The following NFATC1 variants were observed in gnomAD, a reference collection of about 807,000 sequenced individuals.
NFATC1 encodes the protein nuclear factor of activated T-cells, cytoplasmic 1.
NFATC1 carries 22 observed loss-of-function variants against 76.0 expected under a neutral mutation model. The ratio of observed to expected loss-of-function variants is 0.29; its 90% confidence interval spans 0.21 to 0.41. The LOEUF (loss-of-function observed/expected upper bound fraction) is 0.41, where lower values mean the gene tolerates loss of function less well. Among genes scored for constraint, NFATC1 ranks in the 10% least tolerant of loss-of-function variants. The pLI is 1.00. For missense variants in NFATC1, 1,357 were observed against 1,337.7 expected (o/e 1.01, Z -0.23); for synonymous variants, 704 against 613.1 (o/e 1.15, Z -2.19).
intron 8 of NFATC1, among the ~76,000 whole-genome samples, chr18:79,483,035 A>C (rs1339432172): frequency 9.6e-5 from 10 of 103,696 alleles, no homozygotes; most frequent in African/African-American, 3.7e-4. Context: ...GTTCCTGGGT[A>C]ATTCCAGCGT....
intron 3 of NFATC1, among the ~76,000 whole-genome samples, chr18:79,443,082 G>T (rs566869532): frequency 2.0e-5 from 3 of 152,228 alleles, no homozygotes; most frequent in Admixed American, 6.5e-5. Context: ...TTTTTCAGTC[G>T]CGGCTGGAAG....
intron 4 of NFATC1, among the ~76,000 whole-genome samples, chr18:79,450,128 G>T (rs563448718): frequency 1.3e-5 from 2 of 152,168 alleles, no homozygotes; most frequent in Admixed American, 6.5e-5. Flanking sequence ...GCCGGGAGAC[G>T]CCCGCAGCCA....
rs545600032 is a variant in NFATC1 at position 79,444,708 on chromosome 18, A to G, written c.1387-4074A>G. Among the ~76,000 whole-genome samples the G allele has an allele frequency of 4.2e-3, 634 of 149,848 alleles. 39 individuals are homozygous for G. The East Asian group carries it at 0.047, about 11-fold the overall frequency. ...GCCCGACCCCGCAGACCACACCGGCACTGCACACACAGGCACCCCCGTGGG... is the reference window on the plus strand; with the variant it reads ...GCCCGACCCCGCAGACCACACCGGCGCTGCACACACAGGCACCCCCGTGGG... On this transcript the variant is annotated intron_variant, in intron 3 of 9. Transcript: ENST00000427363.
intron 3 of NFATC1, among the ~76,000 whole-genome samples, chr18:79,447,189 C>T (rs552492584): frequency 9.8e-5 from 15 of 152,360 alleles, no homozygotes; most frequent in Middle Eastern, 3.4e-3. Context: ...GCTGGAGCCA[C>T]GGAGCAAGGG....
Position 79,410,425 on chromosome 18 carries a change from C to G in NFATC1, c.150C>G (p.Ser50=). The change falls in exon 2 of 10, where the codon TCC becomes TCG. Residue 50 remains serine, a synonymous_variant. Transcript: ENST00000427363. This position sits in a 1 kb window ranked among gnomAD's most constrained non-coding sequence, Gnocchi z 6.7. ...AEEEHYGYAS[S]NVSPALPLPT... is the part of the protein sequence containing the mutation. ...TAGAACACTATGGCTATGCATCCTCCAACGTCAGCCCCGCCCTGCCGCTCC... is the reference window on the plus strand; with the variant it reads ...TAGAACACTATGGCTATGCATCCTCGAACGTCAGCCCCGCCCTGCCGCTCC... The G allele has an allele frequency of 6.2e-7, 1 of 1,610,980 alleles. No individual in the cohort carries two copies. The highest frequency in any genetic ancestry group is 2.2e-5 in the East Asian group (1 of 44,858).
At chr18:79,467,357 G>A (rs974470213) in intron 7 of NFATC1, 93 bp from the exon 8 acceptor site, 40 of 1,300,566 alleles carry the variant, frequency 3.1e-5, no homozygotes, top group African/African-American at 9.5e-5. Context: ...TGTGGCCGCC[G>A]TGGAAACGCG....
intron 1 of NFATC1, among the ~76,000 whole-genome samples, chr18:79,400,694 C>T (rs2085176947): frequency 6.6e-6 from 1 of 151,204 alleles, no homozygotes; most frequent in South Asian, 2.1e-4. Context: ...GGGGGAAGAG[C>T]GCAGCCCGGA....
chr18:79,467,650 A>G (rs1360870476), intron 8 of NFATC1, 68 bp downstream of exon 8: 3 of 1,596,908 alleles, frequency 1.9e-6, no homozygotes, highest in Non-Finnish European at 2.6e-6. Context: ...AAAGACGCAG[A>G]AACGACGTCG....
chr18:79,464,648 T>TTCTGTGTGTGTGTG (rs1555911903), intron 7 of NFATC1, among the ~76,000 whole-genome samples: 16 of 131,630 alleles, frequency 1.2e-4, no homozygotes, highest in African/African-American at 4.0e-4. Context: ...ATATATGTGT[T>TTCTGTGTGTGTGTG]TGTGTGTGTG....
At chr18:79,461,237 A>T in intron 6 of NFATC1, 74 bp from the exon 7 acceptor site, 1 of 1,565,572 alleles carries the variant, frequency 6.4e-7, no homozygotes. Flanking sequence ...CTGGGTCTGG[A>T]TCACGTGGGG....
chr18:79,517,493 C>G (rs985129578), intron 9 of NFATC1, among the ~76,000 whole-genome samples: 2 of 152,128 alleles, frequency 1.3e-5, no homozygotes, highest in Non-Finnish European at 2.9e-5. Flanking sequence ...TAGAAGGGAG[C>G]CTGCTGGACG....
At chr18:79,513,467 C>T (rs1283826643) in intron 9 of NFATC1, among the ~76,000 whole-genome samples, 2 of 152,236 alleles carry the variant, frequency 1.3e-5, no homozygotes, top group Middle Eastern at 3.2e-3. Flanking sequence ...CTGGGCTGTC[C>T]CCAAACCTCA....
chr18:79,443,042 G>T (rs142405133), intron 3 of NFATC1, among the ~76,000 whole-genome samples: 1 of 152,184 alleles, frequency 6.6e-6, no homozygotes, highest in Admixed American at 6.5e-5. Context: ...AGCCCTTCCC[G>T]GTCAGGACTG....
chr18:79,436,871 C>T (rs755538982), intron 3 of NFATC1, among the ~76,000 whole-genome samples: 1 of 152,104 alleles, frequency 6.6e-6, no homozygotes, highest in Admixed American at 6.6e-5. Context: ...TGCCCCCTGC[C>T]GTCTCTGTGG....
At chr18:79,405,915 TC>T (rs1177189658) in intron 1 of NFATC1, among the ~76,000 whole-genome samples, 1 of 152,156 alleles carries the variant, frequency 6.6e-6, no homozygotes, top group Non-Finnish European at 1.5e-5. Context: ...CTCCTCCTCT[TC>T]CTCACTTCCC....
chr18:79,435,381 C>T (rs56279172), intron 3 of NFATC1, among the ~76,000 whole-genome samples: 13,801 of 148,268 alleles, frequency 0.093, 852 homozygotes, highest in South Asian at 0.16. Context: ...GACGGAGTCT[C>T]GCTCTCACCC....
chr18:79,512,258 G>A (rs185736244), intron 9 of NFATC1, among the ~76,000 whole-genome samples: 3 of 152,298 alleles, frequency 2.0e-5, no homozygotes, highest in East Asian at 1.9e-4. Flanking sequence ...TTGAAACTGC[G>A]CCACAGGCAC....
chr18:79,399,949 G>A (rs1276392625), intron 1 of NFATC1, among the ~76,000 whole-genome samples: 2 of 151,768 alleles, frequency 1.3e-5, no homozygotes, highest in African/African-American at 4.8e-5. Flanking sequence ...TCCCGAGGAG[G>A]CCCGGATTGA....
At chr18:79,510,236 G>GCC (rs973784564) in intron 9 of NFATC1, among the ~76,000 whole-genome samples, 1 of 152,178 alleles carries the variant, frequency 6.6e-6, no homozygotes, top group Non-Finnish European at 1.5e-5. Context: ...GCTGGGTCAT[G>GCC]CCCCCGTGCG....
Sources: gnomAD v4.1 joint callset for allele counts (sites outside exome capture counted in the v4.1 genomes callset) on GRCh38, gnomAD v4.1.1 for gene constraint, Gnocchi (gnomAD v3.1) non-coding constraint, MANE v1.5 for transcripts, NCBI Gene and HGNC (gene_info 2026-07-23, HGNC 2026-07-21) for gene names.